Variants in BCAS3 observed in about 807,000 individuals in gnomAD.
The protein encoded by BCAS3 is BCAS3 microtubule associated cell migration factor.
Under a neutral mutation model 116.1 loss-of-function variants are expected in BCAS3, and 53 were observed. The observed-to-expected ratio is 0.46, with a 90% CI of 0.37 to 0.57. The LOEUF is 0.57. BCAS3 is among the 20% of genes least tolerant of loss of function. BCAS3 has a pLI of 0.00. For missense variants in BCAS3, 917 were observed against 1,165.4 expected, an observed-to-expected ratio of 0.79 and a Z score of 3.10; for synonymous variants, 391 against 408.2, an observed-to-expected ratio of 0.96 and a Z score of 0.51.
chr17:61,056,325 C>T lies in BCAS3; in HGVS notation c.2029+15433C>T, dbSNP rs1474245509. Among the ~76,000 whole-genome samples the T allele has an allele frequency of 1.3e-5, 2 of 152,200 alleles. No individual in the cohort carries two copies. The highest frequency in any genetic ancestry group is 2.4e-5 in the African/African-American group (1 of 41,504). On this transcript the variant is annotated intron_variant, in intron 19 of 23. Transcript: ENST00000407086. The surrounding 1 kb of genome is among the most constrained non-coding windows in gnomAD (Gnocchi z 4.9). ...TGACCACCAGTAACTAACTGTGTGG[C>T]CTTAGTACAGTGCCCATGTTATATA...
chr17:60,744,065 A>G (rs999003239), intron 5 of BCAS3, among the ~76,000 whole-genome samples: 1 of 152,232 alleles, frequency 6.6e-6, no homozygotes, highest in African/African-American at 2.4e-5. Flanking sequence ...TTAAAATGCC[A>G]GTAAGAACAA....
chr17:60,753,295 C>T (rs1396972246), intron 6 of BCAS3, among the ~76,000 whole-genome samples: 1 of 151,798 alleles, frequency 6.6e-6, no homozygotes, highest in East Asian at 1.9e-4. Context: ...CTAAGAAAAT[C>T]CTTCTGTATT....
Position 60,842,734 on chromosome 17 carries a change from T to C in BCAS3, c.477-25842T>C, listed in dbSNP as rs186402275. 2.4e-3 allele frequency among the ~76,000 whole-genome samples: 371 copies of C among 152,256 alleles called. 1 individual carries two copies. Among genetic ancestry groups the C allele is most frequent in the Non-Finnish European group, 2.4e-3 (163 of 68,024 alleles). ...CTCTAACGTTAAGTTTCTAAGCTCT[T>C]TCTTCTATCTCCTTGGATTCCACCA... On this transcript the variant is annotated intron_variant, in intron 7 of 23. Coordinates refer to ENST00000407086, the MANE Select transcript of BCAS3 (RefSeq NM_017679.5).
At chr17:60,703,642 C>T (rs376909457) in intron 4 of BCAS3, among the ~76,000 whole-genome samples, 24 of 151,994 alleles carry the variant, frequency 1.6e-4, no homozygotes, top group African/African-American at 5.5e-4. Context: ...TAGCCGGGCG[C>T]GGTGGCTCAC....
rs2050789746 is a variant in BCAS3 at position 61,276,758 on chromosome 17, TGAAAAA to T, written c.2426-91565_2426-91560del. On this transcript the variant is annotated intron_variant, in intron 22 of 23. Transcript: ENST00000407086. The surrounding 1 kb of genome is among the most constrained non-coding windows in gnomAD (Gnocchi z 4.2). ...GGGTGCAGAAAAGCCGAAATAATCT[TGAAAAA>T]GAACAAAGTTGAAGGCCTCGACTTT... Among the ~76,000 whole-genome samples the T allele has an allele frequency of 6.6e-6, 1 of 152,178 alleles. No homozygotes were observed. The highest frequency in any genetic ancestry group is 2.1e-4 in the South Asian group (1 of 4,834).
Position 61,368,050 on chromosome 17 carries a change from A to T in BCAS3, c.2426-277A>T. 3.2e-6 allele frequency: 1 copy of T among 308,488 alleles called. No individual in the cohort carries two copies. Among genetic ancestry groups the T allele is most frequent in the Non-Finnish European group, 5.9e-6 (1 of 168,130 alleles). 19.1% of individuals were successfully genotyped at this position (308,488 alleles called of 1,614,324 possible). On this transcript the variant is annotated intron_variant, in intron 22 of 23. Transcript: ENST00000407086. The surrounding 1 kb of genome is among the most constrained non-coding windows in gnomAD (Gnocchi z 6.0). Reference sequence around the variant, plus strand: ...GGTTGCCTTCCCCGTCCCACTTCTTAAGGTGGTCCCTGAAGACCAGGGGAA... The same window carrying T: ...GGTTGCCTTCCCCGTCCCACTTCTTTAGGTGGTCCCTGAAGACCAGGGGAA...
rs775225070 is a variant in BCAS3 at position 61,211,288 on chromosome 17, A to G, written c.2425+126724A>G. Among the ~76,000 whole-genome samples the G allele has an allele frequency of 1.3e-5, 2 of 152,156 alleles. No individual in the cohort carries two copies. The highest frequency in any genetic ancestry group is 2.4e-5 in the African/African-American group (1 of 41,436). On this transcript the variant is annotated intron_variant, in intron 22 of 23. Coordinates refer to ENST00000407086, the MANE Select transcript of BCAS3 (RefSeq NM_017679.5). This position sits in a 1 kb window ranked among gnomAD's most constrained non-coding sequence, Gnocchi z 4.4. ...GGCCACCAAGGGGTTGTGCTTCCTT[A>G]CTGACTGTATTTGTGATCTGTAAGA...
chr17:61,203,803 C>T lies in BCAS3; in HGVS notation c.2425+119239C>T, dbSNP rs904637323. The stretch of plus-strand genomic sequence containing the variant: ...CTCTGCAGAGAATGTTTTCAGTATA[C>T]GAGTGTCCTCTCCTTGGCACTCAGT... On this transcript the variant is annotated intron_variant, in intron 22 of 23. Coordinates refer to ENST00000407086, the MANE Select transcript of BCAS3 (RefSeq NM_017679.5). This position sits in a 1 kb window ranked among gnomAD's most constrained non-coding sequence, Gnocchi z 5.7. 4.6e-5 allele frequency among the ~76,000 whole-genome samples: 7 copies of T among 152,040 alleles called. No individual in the cohort carries two copies. The highest frequency in any genetic ancestry group is 1.9e-4 in the East Asian group (1 of 5,170).
In BCAS3 at chr17:61,229,260, G is replaced by A. The variant is rs550787075; in HGVS notation, c.2426-139067G>A. The stretch of plus-strand genomic sequence containing the variant: ...ATTCTATGAAGCTGAGAGAGGTGAG[G>A]AAGCTACAGAAGAAAAGTTTGAAGC... On this transcript the variant is annotated intron_variant, in intron 22 of 23. Transcript: ENST00000407086. The surrounding 1 kb of genome is among the most constrained non-coding windows in gnomAD (Gnocchi z 4.4). 1.3e-5 allele frequency among the ~76,000 whole-genome samples: 2 copies of A among 152,322 alleles called. No homozygotes were observed. Among genetic ancestry groups the A allele is most frequent in the African/African-American group, 4.8e-5 (2 of 41,586 alleles).
rs2143665695 is a variant in BCAS3, at chr17:61,387,574, C to T, written c.2594-4403C>T. On this transcript the variant is annotated intron_variant, in intron 23 of 23. Coordinates refer to ENST00000407086, the MANE Select transcript of BCAS3 (RefSeq NM_017679.5). The surrounding 1 kb of genome is among the most constrained non-coding windows in gnomAD (Gnocchi z 6.2). ...GGAGGCACCTTTCCTTCAGTTGCTA[C>T]TCATTCATCATCCCCCTACCCCTGG... Among the ~76,000 whole-genome samples the T allele has an allele frequency of 1.3e-5, 2 of 152,296 alleles. No individual in the cohort carries two copies. Among genetic ancestry groups the T allele is most frequent in the Middle Eastern group, 6.8e-3 (2 of 294 alleles).
rs1199424223 is a variant in BCAS3 at position 61,021,939 on chromosome 17, T to C, written c.1637+6038T>C. Among the ~76,000 whole-genome samples, 1 of 152,176 alleles carries C rather than the reference T, an allele frequency of 6.6e-6. No individual in the cohort carries two copies. The highest frequency in any genetic ancestry group is 6.5e-5 in the Admixed American group (1 of 15,272). ...GTTCGGAGAATTAAATTGGAAATATTTGGAGAAAGACCCACTAGATACAGA... is the reference window on the plus strand; with the variant it reads ...GTTCGGAGAATTAAATTGGAAATATCTGGAGAAAGACCCACTAGATACAGA... On this transcript the variant is annotated intron_variant, in intron 16 of 23. Transcript: ENST00000407086. The surrounding 1 kb of genome is among the most constrained non-coding windows in gnomAD (Gnocchi z 4.6).
chr17:60,928,262 G>C (rs2059465453), intron 13 of BCAS3, among the ~76,000 whole-genome samples: 1 of 152,172 alleles, frequency 6.6e-6, no homozygotes, highest in Non-Finnish European at 1.5e-5. Flanking sequence ...TGGTTTTGGA[G>C]ATAGTTCTTC....
At position 61,134,567 on chromosome 17, in the gene BCAS3, A is replaced by C. The variant is rs1297343322; in HGVS notation, c.2425+50003A>C. 6.6e-6 allele frequency among the ~76,000 whole-genome samples: 1 copy of C among 152,228 alleles called. No individual in the cohort carries two copies. Among genetic ancestry groups the C allele is most frequent in the African/African-American group, 2.4e-5 (1 of 41,464 alleles). ...CCTTTTGGTTCTAGAATTATAGGAAAGTATTTTAAAGTCGAGAGAACTGTG... is the reference window on the plus strand; with the variant it reads ...CCTTTTGGTTCTAGAATTATAGGAACGTATTTTAAAGTCGAGAGAACTGTG... On this transcript the variant is annotated intron_variant, in intron 22 of 23. Coordinates refer to ENST00000407086, the MANE Select transcript of BCAS3 (RefSeq NM_017679.5). This position sits in a 1 kb window ranked among gnomAD's most constrained non-coding sequence, Gnocchi z 4.6.
intron 7 of BCAS3, among the ~76,000 whole-genome samples, chr17:60,839,512 T>G (rs1370259915): frequency 6.6e-6 from 1 of 151,492 alleles, no homozygotes; most frequent in Non-Finnish European, 1.5e-5. Context: ...ACCCAGTGTT[T>G]ATTGAGAACT....
At chr17:60,787,904 A>AGTCAAG in intron 6 of BCAS3, among the ~76,000 whole-genome samples, 1 of 151,914 alleles carries the variant, frequency 6.6e-6, no homozygotes, top group South Asian at 2.1e-4. Flanking sequence ...GGAGTCAAGG[A>AGTCAAG]CATGAATAGT....
At chr17:61,121,045 GGA>G (rs978687831) in intron 22 of BCAS3, among the ~76,000 whole-genome samples, 1 of 151,730 alleles carries the variant, frequency 6.6e-6, no homozygotes, top group Non-Finnish European at 1.5e-5. Flanking sequence ...ATTAGATCTG[GGA>G]GATTGGTTTG....
rs1416833454 is a variant in BCAS3 at position 61,056,782 on chromosome 17, TA to T, written c.2029+15891del. 6.6e-6 allele frequency among the ~76,000 whole-genome samples: 1 copy of T among 152,254 alleles called. No homozygotes were observed. Among genetic ancestry groups the T allele is most frequent in the Non-Finnish European group, 1.5e-5 (1 of 68,042 alleles). On this transcript the variant is annotated intron_variant, in intron 19 of 23. Coordinates refer to ENST00000407086, the MANE Select transcript of BCAS3 (RefSeq NM_017679.5). The surrounding 1 kb of genome is among the most constrained non-coding windows in gnomAD (Gnocchi z 4.9). Reference sequence around the variant, plus strand: ...TGATGTACTACTGCATGCTCTCAGATATTGAGACACAGAGGTGTTATCTCCA... The same window carrying T: ...TGATGTACTACTGCATGCTCTCAGATTTGAGACACAGAGGTGTTATCTCCA...
intron 14 of BCAS3, among the ~76,000 whole-genome samples, chr17:60,972,192 C>T (rs926853976): frequency 6.6e-6 from 1 of 152,118 alleles, no homozygotes; most frequent in Non-Finnish European, 1.5e-5. Context: ...GCCATTAATA[C>T]CAGTTATATA....
Position 61,188,890 on chromosome 17 carries a change from C to A in BCAS3, c.2425+104326C>A, listed in dbSNP as rs1397143590. ...CGTTGGGAGGCTGAGGTGGGAGGAG[C>A]CTGGGAGGTTGAGACCAGTCTGAGC... On this transcript the variant is annotated intron_variant, in intron 22 of 23. Coordinates refer to ENST00000407086, the MANE Select transcript of BCAS3 (RefSeq NM_017679.5). This position sits in a 1 kb window ranked among gnomAD's most constrained non-coding sequence, Gnocchi z 4.0. 6.6e-6 allele frequency among the ~76,000 whole-genome samples: 1 copy of A among 152,046 alleles called. No individual in the cohort carries two copies. The highest frequency in any genetic ancestry group is 1.5e-5 in the Non-Finnish European group (1 of 68,000).
Sources: gnomAD v4.1 joint callset for allele counts (sites outside exome capture counted in the v4.1 genomes callset) on GRCh38, gnomAD v4.1.1 for gene constraint, Gnocchi (gnomAD v3.1) non-coding constraint, MANE v1.5 for transcripts, NCBI Gene and HGNC (gene_info 2026-07-23, HGNC 2026-07-21) for gene names.